Variants in ZNF655 observed in about 807,000 individuals in gnomAD.
ZNF655 encodes the protein zinc finger protein 655, also known as Vav-interacting Kruppel-like protein 1.
Under a neutral mutation model 6.6 loss-of-function variants are expected in ZNF655, and 3 were observed. That is an observed-to-expected ratio of 0.46 (90% confidence interval 0.21 to 1.18). The LOEUF (loss-of-function observed/expected upper bound fraction) is 1.18, where lower values mean the gene tolerates loss of function less well. Ranked by LOEUF, ZNF655 falls within the 50% of genes most tolerant of loss-of-function variation. The pLI, the probability that ZNF655 is intolerant of heterozygous loss-of-function variation, is 0.24. For synonymous variants in ZNF655, 178 were observed against 195.0 expected (o/e 0.91, Z 0.73); for missense variants, 526 against 572.3 (o/e 0.92, Z 0.83).
At chr7:99,561,071 C>G (rs376626162) in intron 2 of ZNF655, 1 of 161,292 alleles carries the variant, frequency 6.2e-6, no homozygotes, top group African/African-American at 2.4e-5. Flanking sequence ...TTCCCCTGTT[C>G]CCTTCACTTA....
intron 2 of ZNF655, among the ~76,000 whole-genome samples, chr7:99,565,663 C>T (rs1197131268): frequency 6.6e-6 from 1 of 152,162 alleles, no homozygotes; most frequent in Non-Finnish European, 1.5e-5. Flanking sequence ...GGTCACTATC[C>T]ATAGGGAAGT....
In ZNF655 at chr7:99,563,537, C is replaced by T. The variant is rs1323424406; in HGVS notation, c.136+2842C>T. ...TTCACCATGCTGGTCAGGCTGATCT[C>T]GAACTCTTGACCTCAAGTGATCCAC... On this transcript the variant is annotated intron_variant, in intron 2 of 2. Transcript: ENST00000252713. Among the ~76,000 whole-genome samples the T allele has an allele frequency of 2.0e-5, 3 of 152,076 alleles. No homozygotes were observed. In the East Asian group the frequency reaches 5.8e-4, roughly 29 times the overall value.
chr7:99,563,991 TG>T, intron 2 of ZNF655: 1 of 1,613,980 alleles, frequency 6.2e-7, no homozygotes, highest in Non-Finnish European at 8.5e-7. Context: ...CTCCAAGAGA[TG>T]GCCCAAGTAT....
chr7:99,560,835 G>A, intron 2 of ZNF655, 140 bp downstream of exon 2: 1 of 1,053,808 alleles, frequency 9.5e-7, no homozygotes, highest in African/African-American at 1.6e-5. Flanking sequence ...AGAGGGGGCA[G>A]ATGTGACTCA....
In ZNF655 at chr7:99,560,638, C is replaced by T; in HGVS notation, c.79C>T (p.Leu27=). 1 of 1,614,176 alleles carries T rather than the reference C, an allele frequency of 6.2e-7. No homozygotes were observed. Among genetic ancestry groups the T allele is most frequent in the Non-Finnish European group, 8.5e-7 (1 of 1,180,030 alleles). The change falls in exon 2 of 3, where the codon CTG becomes TTG. Residue 27 remains leucine (L), a synonymous_variant. Coordinates refer to ENST00000252713, the MANE Select transcript of ZNF655 (RefSeq NM_138494.3). The part of the protein sequence containing the change: ...FQSLETQSEC[L]SPEPQFVQDT... ...GTCTTTGGAGACCCAGTCTGAGTGT[C>T]TGTCCCCAGAGCCTCAGTTTGTGCA...
intron 2 of ZNF655, chr7:99,571,210 G>C (rs1167736084): frequency 7.0e-6 from 9 of 1,283,024 alleles, no homozygotes; most frequent in African/African-American, 3.0e-5. Flanking sequence ...TGTTTCTTGA[G>C]ATTGGTCCTT....
chr7:99,568,062 C>CG, intron 2 of ZNF655, among the ~76,000 whole-genome samples: 1 of 139,258 alleles, frequency 7.2e-6, no homozygotes, highest in Non-Finnish European at 1.5e-5. Flanking sequence ...CCATACCCCC[C>CG]GGCCAAAAAA....
intron 2 of ZNF655, among the ~76,000 whole-genome samples, chr7:99,569,121 T>G (rs747345904): frequency 1.1e-4 from 17 of 152,202 alleles, no homozygotes; most frequent in Non-Finnish European, 2.2e-4. Flanking sequence ...GCGACTCCAA[T>G]TATTTAGGAT....
At chr7:99,566,376 A>G (rs1325352240) in intron 2 of ZNF655, among the ~76,000 whole-genome samples, 1 of 152,214 alleles carries the variant, frequency 6.6e-6, no homozygotes, top group Non-Finnish European at 1.5e-5. Context: ...ACCAGAAAGG[A>G]CATGCATTCA....
At chr7:99,571,668 A>T in intron 2 of ZNF655, 1 of 1,581,384 alleles carries the variant, frequency 6.3e-7, no homozygotes, top group Non-Finnish European at 8.6e-7. Flanking sequence ...GCCACATCCC[A>T]TTTCCTTCTC....
At chr7:99,567,757 T>G (rs1803736682) in intron 2 of ZNF655, among the ~76,000 whole-genome samples, 1 of 152,046 alleles carries the variant, frequency 6.6e-6, no homozygotes. Flanking sequence ...TGAATTAGAT[T>G]ATGCATATAA....
intron 2 of ZNF655, among the ~76,000 whole-genome samples, chr7:99,562,755 A>G (rs1481940867): frequency 1.3e-5 from 2 of 151,988 alleles, no homozygotes; most frequent in Non-Finnish European, 2.9e-5. Context: ...CTTTTAGCAA[A>G]GGGAAACTTT....
chr7:99,563,896 A>G (rs762824590), intron 2 of ZNF655: 7 of 1,612,888 alleles, frequency 4.3e-6, no homozygotes, highest in Non-Finnish European at 5.9e-6. Flanking sequence ...ACCCGGATTC[A>G]TAGTGTGAAT....
At position 99,563,653 on chromosome 7, in the gene ZNF655, C is replaced by G. The variant is rs74654252; in HGVS notation, c.136+2958C>G. Among the ~76,000 whole-genome samples, 157 of 151,740 alleles carry G rather than the reference C, an allele frequency of 1.0e-3. 1 individual carries two copies. In the East Asian group the frequency reaches 0.028, roughly 27 times the overall value. The stretch of plus-strand genomic sequence containing the variant: ...TTAGTTTCTTGCTTGCTTCTGCACT[C>G]TTCTTTTTGTGTGTGTAAATACTGA... On this transcript the variant is annotated intron_variant, in intron 2 of 2. Transcript: ENST00000252713.
chr7:99,564,014 C>T (rs765307337), intron 2 of ZNF655: 32 of 1,613,002 alleles, frequency 2.0e-5, no homozygotes, highest in Admixed American at 6.7e-5. Flanking sequence ...GGCTTCCCAT[C>T]GATATTGCTC....
chr7:99,572,162 G>T, intron 2 of ZNF655, 83 bp from the exon 3 acceptor site: 1 of 1,410,134 alleles, frequency 7.1e-7, no homozygotes, highest in Non-Finnish European at 9.5e-7. Context: ...ATACTACATT[G>T]TTTAGTTTTC....
At position 99,573,000 on chromosome 7, in the gene ZNF655, A is replaced by G. The variant is rs778125881; in HGVS notation, c.892A>G (p.Thr298Ala). 1 of 1,614,200 alleles carries G rather than the reference A, an allele frequency of 6.2e-7. No homozygotes were observed. The highest frequency in any genetic ancestry group is 1.1e-5 in the South Asian group (1 of 91,082). Residue 298 changes from threonine to alanine, a missense_variant, in exon 3 of 3, where the codon ACC becomes GCC. Transcript: ENST00000252713. Reference sequence around the variant, plus strand: ...CATAATTCAGCATAAGAAAATTCACACCAGAGCCAAATCTTACAAATGTAG... The same window carrying G: ...CATAATTCAGCATAAGAAAATTCACGCCAGAGCCAAATCTTACAAATGTAG... ...SGIIQHKKIH[T>A]RAKSYKCSSC... is the part of the protein sequence containing the mutation.
chr7:99,564,814 G>A, intron 2 of ZNF655: 2 of 590,130 alleles, frequency 3.4e-6, no homozygotes, highest in Non-Finnish European at 4.3e-6. Context: ...TCTCTGCACT[G>A]CACACTCGAC....
chr7:99,564,003 C>T (rs147170648), intron 2 of ZNF655: 25 of 1,613,488 alleles, frequency 1.5e-5, no homozygotes, highest in African/African-American at 1.3e-4. Context: ...GCCCAAGTAT[C>T]GGCTTCCCAT....
Sources: gnomAD v4.1 joint callset for allele counts (sites outside exome capture counted in the v4.1 genomes callset) on GRCh38, gnomAD v4.1.1 for gene constraint, MANE v1.5 for transcripts, NCBI Gene and HGNC (gene_info 2026-07-23, HGNC 2026-07-21) for gene names.